EPM2A: variants seen among roughly 807,000 people sequenced by gnomAD.
EPM2A encodes EPM2A glucan phosphatase, laforin, also known as laforin.
Under a neutral mutation model 26.5 loss-of-function variants are expected in EPM2A, and 21 were observed. The ratio of observed to expected loss-of-function variants is 0.79; its 90% CI spans 0.56 to 1.14. The LOEUF (loss-of-function observed/expected upper bound fraction) is 1.14, where lower values mean the gene tolerates loss of function less well. Ranked by LOEUF, EPM2A falls within the 50% of genes most tolerant of loss-of-function variation. The pLI, the probability that EPM2A is intolerant of heterozygous loss-of-function variation, is 0.00. For missense variants in EPM2A, 458 were observed against 440.8 expected (o/e 1.04, Z -0.35); for synonymous variants, 217 against 177.6 (o/e 1.22, Z -1.76).
chr6:145,488,970 T>C (rs1779720460), intron 4 of EPM2A, among the ~76,000 whole-genome samples: 1 of 152,162 alleles, frequency 6.6e-6, no homozygotes, highest in Admixed American at 6.5e-5. Flanking sequence ...GCTGCATTGC[T>C]CCTTATGACA....
chr6:145,561,965 T>C (rs1780811269), intron 2 of EPM2A, among the ~76,000 whole-genome samples: 1 of 152,020 alleles, frequency 6.6e-6, no homozygotes, highest in Admixed American at 6.6e-5. Context: ...GCTTAAAACC[T>C]AGATGACGGG....
At chr6:145,450,772 C>T (rs982781477) in intron 4 of EPM2A, among the ~76,000 whole-genome samples, 1 of 152,170 alleles carries the variant, frequency 6.6e-6, no homozygotes. Flanking sequence ...CTCTCTATAC[C>T]ATGACTCAGA....
chr6:145,735,907 C>T (rs1276971294), upstream of EPM2A: 1 of 152,228 alleles, frequency 6.6e-6, no homozygotes, highest in Non-Finnish European at 1.5e-5. Flanking sequence ...AAGGGAATGA[C>T]CTCTAGACAG....
At chr6:145,437,438 C>T (rs1779004002) in intron 4 of EPM2A, among the ~76,000 whole-genome samples, 1 of 151,992 alleles carries the variant, frequency 6.6e-6, no homozygotes, top group African/African-American at 2.4e-5. Context: ...GTATTTTCCC[C>T]AAATAGTAAA....
chr6:145,633,764 A>C (rs35113645), intron 3 of EPM2A: 1 of 152,188 alleles, frequency 6.6e-6, no homozygotes, highest in Non-Finnish European at 1.5e-5. Flanking sequence ...GATCATGAAC[A>C]TAAGGGGTTG....
At chr6:145,527,554 C>T (rs1780292991) in intron 2 of EPM2A, among the ~76,000 whole-genome samples, 1 of 151,918 alleles carries the variant, frequency 6.6e-6, no homozygotes, top group Admixed American at 6.6e-5. Flanking sequence ...TCCTTTTTCA[C>T]TGTTGTTGGT....
At chr6:145,651,289 A>G (rs899500805) in intron 2 of EPM2A, among the ~76,000 whole-genome samples, 7 of 152,220 alleles carry the variant, frequency 4.6e-5, no homozygotes, top group Admixed American at 2.0e-4. Flanking sequence ...GGAATTCTAC[A>G]TCAGCTTTTT....
chr6:145,442,842 G>A (rs563086831), intron 4 of EPM2A, among the ~76,000 whole-genome samples: 5 of 147,036 alleles, frequency 3.4e-5, no homozygotes, highest in African/African-American at 1.0e-4. Context: ...GTTTCACAAG[G>A]TTATTCTTTG....
intron 1 of EPM2A, among the ~76,000 whole-genome samples, chr6:145,729,548 A>T (rs1183670311): frequency 6.6e-6 from 1 of 152,088 alleles, no homozygotes; most frequent in Non-Finnish European, 1.5e-5. Flanking sequence ...TAGGTTTTGG[A>T]CTTGTGTGGG....
chr6:145,537,587 T>G (rs796743727), intron 2 of EPM2A, among the ~76,000 whole-genome samples: 16 of 151,902 alleles, frequency 1.1e-4, no homozygotes, highest in African/African-American at 3.1e-4. Flanking sequence ...AGAGGTTTTT[T>G]TTTTTTTTTT....
At chr6:145,731,319 A>G (rs753720053) in intron 1 of EPM2A, among the ~76,000 whole-genome samples, 1 of 152,082 alleles carries the variant, frequency 6.6e-6, no homozygotes, top group Non-Finnish European at 1.5e-5. Context: ...CACCACAGCT[A>G]CCCCTACTGA....
chr6:145,719,173 G>C (rs1449832550), intron 1 of EPM2A, among the ~76,000 whole-genome samples: 3 of 151,082 alleles, frequency 2.0e-5, no homozygotes, highest in African/African-American at 7.3e-5. Flanking sequence ...ACATGCACAC[G>C]TATGTTTATT....
At chr6:145,436,191 A>G (rs2114696164) in intron 4 of EPM2A, among the ~76,000 whole-genome samples, 1 of 152,314 alleles carries the variant, frequency 6.6e-6, no homozygotes, top group South Asian at 2.1e-4. Flanking sequence ...TTTATTTTTA[A>G]GGCCAAATAT....
At chr6:145,710,537 T>C (rs948873708) in intron 1 of EPM2A, among the ~76,000 whole-genome samples, 7 of 152,154 alleles carry the variant, frequency 4.6e-5, no homozygotes, top group African/African-American at 1.4e-4. Flanking sequence ...TGTAAACTAG[T>C]TCAACCCTTG....
At chr6:145,580,403 A>T (rs1781096685) in intron 2 of EPM2A, among the ~76,000 whole-genome samples, 3 of 152,050 alleles carry the variant, frequency 2.0e-5, no homozygotes, top group Non-Finnish European at 2.9e-5. Flanking sequence ...TCAGTCTGAT[A>T]CTCTTGTATT....
chr6:145,422,511 T>A (rs1394329540), intron 4 of EPM2A, among the ~76,000 whole-genome samples: 2 of 151,474 alleles, frequency 1.3e-5, no homozygotes, highest in Admixed American at 1.3e-4. Context: ...GTTATCTTTG[T>A]GTCACTGGAA....
intron 1 of EPM2A, among the ~76,000 whole-genome samples, chr6:145,714,553 A>G (rs1775512244): frequency 1.3e-5 from 2 of 152,226 alleles, no homozygotes; most frequent in Admixed American, 1.3e-4. Flanking sequence ...AATAAAGACA[A>G]GTGTATTAGT....
chr6:145,653,382 G>T (rs148200313), intron 2 of EPM2A, among the ~76,000 whole-genome samples: 65 of 152,252 alleles, frequency 4.3e-4, no homozygotes, highest in African/African-American at 1.4e-3. Context: ...CACCATGATT[G>T]TAGGTTTCCT....
chr6:145,552,071 A>C (rs1453784538), intron 2 of EPM2A, among the ~76,000 whole-genome samples: 1 of 151,964 alleles, frequency 6.6e-6, no homozygotes, highest in Non-Finnish European at 1.5e-5. Flanking sequence ...CCTATGAAAA[A>C]ATTTGATGCA....
Sources: allele counts gnomAD v4.1 joint callset (sites outside exome capture counted in the v4.1 genomes callset), GRCh38; gene constraint gnomAD v4.1.1; transcripts MANE v1.5; gene names NCBI Gene and HGNC (gene_info 2026-07-23, HGNC 2026-07-21).